Variants in ZNF654 observed in about 807,000 individuals in gnomAD.
ZNF654 encodes the protein zinc finger protein 654.
A neutral mutation model predicts 95.3 loss-of-function variants in ZNF654; 19 were observed. That is an observed-to-expected ratio of 0.20 (90% CI 0.14 to 0.29). The LOEUF is 0.29. ZNF654 is among the 10% of genes least tolerant of loss of function. The pLI is 1.00. For missense variants in ZNF654, 1,046 were observed against 1,341.0 expected (o/e 0.78, Z 3.44); for synonymous variants, 413 against 457.9 (o/e 0.90, Z 1.25).
Position 88,083,875 on chromosome 3 carries a change from C to T in ZNF654, c.187-2382C>T, listed in dbSNP as rs894841255. On this transcript the variant is annotated intron_variant, in intron 1 of 8. Coordinates refer to ENST00000636215, the MANE Select transcript of ZNF654 (RefSeq NM_001350134.2). The stretch of plus-strand genomic sequence containing the variant: ...GTAGAACACACAGATTAGCTGAGTG[C>T]GTATGACAGCACTCACAGCATAGGA... Among the ~76,000 whole-genome samples, 5 of 151,172 alleles carry T rather than the reference C, an allele frequency of 3.3e-5. No individual in the cohort carries two copies. The East Asian group carries it at 5.8e-4, about 18-fold the overall frequency.
At position 88,108,237 on chromosome 3, in the gene ZNF654, G is replaced by A. The variant is rs111399664; in HGVS notation, c.333-4878G>A. Among the ~76,000 whole-genome samples the A allele has an allele frequency of 1.4e-3, 205 of 151,818 alleles. 1 individual carries two copies. Among genetic ancestry groups the A allele is most frequent in the African/African-American group, 4.8e-3 (200 of 41,408 alleles). On this transcript the variant is annotated intron_variant, in intron 2 of 8. Transcript: ENST00000636215. ...TTTTCCTATTTCTACTTAGCTCCAA[G>A]TTCACACTGGCAGTTTTCCTTCCAG...
chr3:88,133,650 C>T (rs887794891), intron 6 of ZNF654, among the ~76,000 whole-genome samples: 1 of 152,014 alleles, frequency 6.6e-6, no homozygotes, highest in Non-Finnish European at 1.5e-5. Flanking sequence ...GTTAGGAGTT[C>T]CTGAGATTCA....
intron 3 of ZNF654, among the ~76,000 whole-genome samples, chr3:88,115,708 C>T (rs1705349209): frequency 6.6e-6 from 1 of 152,106 alleles, no homozygotes; most frequent in Non-Finnish European, 1.5e-5. Flanking sequence ...TTCTTAGAGC[C>T]AAATGTTCCA....
In ZNF654 at chr3:88,140,162, G is replaced by T; in HGVS notation, c.2493G>T (p.Gln831His). ...NCNESFKLPF[Q>H]LAQHTKSHRI... ...ACGAGTCGTTTAAGCTGCCGTTCCA[G>T]CTTGCCCAGCACACAAAAAGTCACA... The change falls in exon 8 of 9, where the codon CAG (glutamine) becomes CAT (histidine). Residue 831 changes from glutamine (Q) to histidine (H), a missense_variant. Around this residue, in one of 9 missense-constraint regions of ZNF654, gnomAD observed 495 missense variants for 537.0 expected, o/e 0.92. Coordinates refer to ENST00000636215, the MANE Select transcript of ZNF654 (RefSeq NM_001350134.2). The T allele has an allele frequency of 6.2e-7, 1 of 1,613,744 alleles. No homozygotes were observed. Among genetic ancestry groups the T allele is most frequent in the South Asian group, 1.1e-5 (1 of 91,074 alleles).
chr3:88,077,157 A>C (rs1254199339), intron 1 of ZNF654, among the ~76,000 whole-genome samples: 1 of 152,176 alleles, frequency 6.6e-6, no homozygotes, highest in Non-Finnish European at 1.5e-5. Flanking sequence ...GAATTTGGGA[A>C]GAAGATAAAA....
chr3:88,112,469 T>C (rs1705151271), intron 2 of ZNF654, among the ~76,000 whole-genome samples: 1 of 151,800 alleles, frequency 6.6e-6, no homozygotes. Flanking sequence ...TCATAAATTA[T>C]TAAGAGCACA....
intron 3 of ZNF654, among the ~76,000 whole-genome samples, chr3:88,123,548 C>T (rs1410289910): frequency 6.6e-6 from 1 of 152,072 alleles, no homozygotes; most frequent in Non-Finnish European, 1.5e-5. Flanking sequence ...TCAGGGCTTT[C>T]CCCTAGAAAT....
chr3:88,069,537 T>C (rs546024137), intron 1 of ZNF654, among the ~76,000 whole-genome samples: 2 of 152,340 alleles, frequency 1.3e-5, no homozygotes, highest in East Asian at 3.9e-4. Context: ...ATAGCACTTA[T>C]CGAAGTTATA....
chr3:88,073,213 T>G (rs1373353307), intron 1 of ZNF654, among the ~76,000 whole-genome samples: 1 of 152,166 alleles, frequency 6.6e-6, no homozygotes, highest in East Asian at 1.9e-4. Flanking sequence ...TCCGGAACTG[T>G]GGGACTAGGG....
At chr3:88,072,039 A>G (rs1707545448) in intron 1 of ZNF654, among the ~76,000 whole-genome samples, 1 of 152,208 alleles carries the variant, frequency 6.6e-6, no homozygotes, top group East Asian at 1.9e-4. Context: ...ATAAATCTAC[A>G]TATATAAAGT....
intron 2 of ZNF654, among the ~76,000 whole-genome samples, chr3:88,108,861 A>G (rs1704906289): frequency 6.6e-6 from 1 of 152,186 alleles, no homozygotes; most frequent in African/African-American, 2.4e-5. Context: ...GAGGTTGCTA[A>G]AATCTCACAG....
chr3:88,115,523 C>T (rs997690249), intron 3 of ZNF654, among the ~76,000 whole-genome samples: 2 of 152,132 alleles, frequency 1.3e-5, no homozygotes, highest in African/African-American at 2.4e-5. Context: ...GGTATGGGTT[C>T]TCAAGTCTTA....
chr3:88,131,234 A>C (rs1264019678), intron 6 of ZNF654, among the ~76,000 whole-genome samples: 1 of 152,214 alleles, frequency 6.6e-6, no homozygotes, highest in African/African-American at 2.4e-5. Flanking sequence ...TAGAAAAAGT[A>C]CAGTAAAAAT....
intron 2 of ZNF654, among the ~76,000 whole-genome samples, chr3:88,103,635 C>T (rs1559712374): frequency 6.6e-6 from 1 of 150,490 alleles, no homozygotes; most frequent in Non-Finnish European, 1.5e-5. Flanking sequence ...GTGAAAGTAA[C>T]AAGAGAAAAA....
chr3:88,080,668 C>A (rs1484637877), intron 1 of ZNF654, among the ~76,000 whole-genome samples: 1 of 151,974 alleles, frequency 6.6e-6, no homozygotes, highest in Admixed American at 6.6e-5. Flanking sequence ...TGACTCTTAA[C>A]CATAATACCT....
intron 7 of ZNF654, among the ~76,000 whole-genome samples, chr3:88,136,349 A>G (rs546827712): frequency 2.6e-5 from 4 of 152,334 alleles, no homozygotes; most frequent in African/African-American, 9.6e-5. Flanking sequence ...AAATTCAAAG[A>G]TGAAATAAGA....
chr3:88,091,763 T>A (rs1708642061), intron 2 of ZNF654, among the ~76,000 whole-genome samples: 1 of 152,168 alleles, frequency 6.6e-6, no homozygotes, highest in Non-Finnish European at 1.5e-5. Flanking sequence ...AAAGGGCAGT[T>A]CCCCTGCACA....
intron 1 of ZNF654, among the ~76,000 whole-genome samples, chr3:88,072,341 T>C (rs1476080997): frequency 6.6e-6 from 1 of 152,204 alleles, no homozygotes; most frequent in Non-Finnish European, 1.5e-5. Context: ...TTTAAAGGTA[T>C]GAGTGAGGCC....
At chr3:88,079,235 C>G (rs541818406) in intron 1 of ZNF654, among the ~76,000 whole-genome samples, 19 of 152,066 alleles carry the variant, frequency 1.2e-4, no homozygotes, top group African/African-American at 4.6e-4. Context: ...GTCTTATGTT[C>G]CATATTGGGA....
Sources: allele counts gnomAD v4.1 joint callset (sites outside exome capture counted in the v4.1 genomes callset), GRCh38; gene constraint gnomAD v4.1.1; regional missense constraint gnomAD v4.1.1; transcripts MANE v1.5; gene names NCBI Gene and HGNC (gene_info 2026-07-23, HGNC 2026-07-21).